The following ANK2 variants were observed in gnomAD, a reference collection of about 807,000 sequenced individuals.
ANK2 encodes ankyrin 2.
In ANK2, 83 loss-of-function variants were observed where a neutral mutation model predicts 360.5. The ratio of observed to expected loss-of-function variants is 0.23; its 90% confidence interval spans 0.19 to 0.28. The LOEUF (loss-of-function observed/expected upper bound fraction) is 0.28. Among genes scored for constraint, ANK2 ranks in the 10% least tolerant of loss-of-function variants. ANK2 has a pLI of 1.00. For missense variants in ANK2, 4,201 were observed against 4,795.7 expected, an observed-to-expected ratio of 0.88 and a Z score of 3.66; for synonymous variants, 1,740 against 1,759.5, an observed-to-expected ratio of 0.99 and a Z score of 0.28.
At chr4:113,269,174 C>G (rs1403042744) in intron 14 of ANK2, among the ~76,000 whole-genome samples, 1 of 152,158 alleles carries the variant, frequency 6.6e-6, no homozygotes. Flanking sequence ...GTGCTGGCAG[C>G]GAGAATTTCA....
At chr4:112,934,130 C>T (rs907657521) in intron 2 of ANK2, among the ~76,000 whole-genome samples, 14 of 151,784 alleles carry the variant, frequency 9.2e-5, no homozygotes, top group African/African-American at 2.9e-4. Flanking sequence ...TTTCGGGAGA[C>T]AGAATTGTGA....
chr4:113,271,462 G>A (rs550497403), intron 14 of ANK2, among the ~76,000 whole-genome samples: 90 of 126,372 alleles, frequency 7.1e-4, no homozygotes, highest in African/African-American at 2.7e-3. Flanking sequence ...GCACGCATGC[G>A]TGCACATGCA....
At chr4:113,048,456 G>A (rs1422403432), upstream of ANK2, among the ~76,000 whole-genome samples, 1 of 124,646 alleles carries the variant, frequency 8.0e-6, no homozygotes, top group Non-Finnish European at 1.7e-5. Flanking sequence ...TGTATTTTTA[G>A]TAGAGGCAGG....
At chr4:112,865,367 C>T (rs1388768260) in intron 1 of ANK2, among the ~76,000 whole-genome samples, 1 of 152,104 alleles carries the variant, frequency 6.6e-6, no homozygotes, top group Non-Finnish European at 1.5e-5. Flanking sequence ...ATAATACCAA[C>T]CTCACAAATG....
intron 1 of ANK2, among the ~76,000 whole-genome samples, chr4:113,103,612 A>G (rs919068076): frequency 9.2e-5 from 14 of 152,196 alleles, no homozygotes; most frequent in African/African-American, 3.4e-4. Context: ...ATCAAAATCC[A>G]GTTAAAAGAC....
At chr4:112,804,581 C>A in the ANK2 span, among the ~76,000 whole-genome samples, 2 of 152,044 alleles carry the variant, frequency 1.3e-5, no homozygotes, top group African/African-American at 4.8e-5. Context: ...CAGAAGATAT[C>A]GAGGACTTGG....
intron 2 of ANK2, among the ~76,000 whole-genome samples, chr4:113,190,063 A>G (rs2153351937): frequency 6.6e-6 from 1 of 152,278 alleles, no homozygotes; most frequent in South Asian, 2.1e-4. Flanking sequence ...TTAGAAACAC[A>G]GAATTTTGTT....
At chr4:112,846,254 C>T (rs1047555017) in intron 1 of ANK2, among the ~76,000 whole-genome samples, 3 of 151,972 alleles carry the variant, frequency 2.0e-5, no homozygotes, top group African/African-American at 7.2e-5. Flanking sequence ...GGACTACAAG[C>T]GTCCCACCAC....
chr4:113,336,585 T>A lies in ANK2; in HGVS notation c.3600T>A (p.Pro1200=), dbSNP rs2093574226. The change falls in exon 31 of 46, where the codon CCT becomes CCA. Residue 1200 remains proline (P), a synonymous_variant. Coordinates refer to ENST00000357077, the MANE Select transcript of ANK2 (RefSeq NM_001148.6). ...KRIRVGLQAQ[P]MHSELVKKIL... ...GTTTTTACTTTGAAAAGGCTCAACC[T>A]ATGCACAGTGAGCTGGTTAAGAAGA... 4 of 1,614,062 alleles carry A rather than the reference T, an allele frequency of 2.5e-6. No individual in the cohort carries two copies. Among genetic ancestry groups the A allele is most frequent in the African/African-American group, 1.3e-5 (1 of 75,054 alleles).
intron 24 of ANK2, among the ~76,000 whole-genome samples, chr4:113,314,865 T>C (rs149963908): frequency 6.6e-6 from 1 of 152,292 alleles, no homozygotes; most frequent in African/African-American, 2.4e-5. Flanking sequence ...CCAATTAGTA[T>C]TTCAGAAGGC....
chr4:112,936,576 C>T (rs554782454), intron 2 of ANK2, among the ~76,000 whole-genome samples: 1 of 152,150 alleles, frequency 6.6e-6, no homozygotes, highest in East Asian at 1.9e-4. Context: ...GAACTCCAGA[C>T]CTCGTAATCT....
At chr4:113,341,278 G>T (rs2094269038) in intron 32 of ANK2, among the ~76,000 whole-genome samples, 1 of 151,956 alleles carries the variant, frequency 6.6e-6, no homozygotes. Flanking sequence ...TAGGGAGGGG[G>T]GATCAAGGAA....
intron 2 of ANK2, among the ~76,000 whole-genome samples, chr4:112,906,487 G>A (rs1278096500): frequency 1.3e-5 from 2 of 152,124 alleles, no homozygotes; most frequent in East Asian, 3.9e-4. Flanking sequence ...ATTTTAATGG[G>A]AACAGTGCAG....
intron 20 of ANK2, among the ~76,000 whole-genome samples, chr4:113,288,846 G>A (rs558257627): frequency 2.2e-4 from 33 of 152,002 alleles, no homozygotes; most frequent in Middle Eastern, 3.4e-3. Context: ...CTCTCATGAA[G>A]AAATACAGAC....
In ANK2 at chr4:113,292,522, A is replaced by G; in HGVS notation, c.2376+8A>G. On this transcript the variant is annotated splice_region_variant and intron_variant, in intron 21 of 45. Transcript: ENST00000357077. ...CCCAACGCCACCACTGCGGTAAGGC[A>G]GACGCCACTGCCCCTCACCACGCTT... is the stretch of plus-strand genomic sequence containing the variant. The G allele has an allele frequency of 6.3e-7, 1 of 1,597,980 alleles. No individual in the cohort carries two copies. Among genetic ancestry groups the G allele is most frequent in the Non-Finnish European group, 8.5e-7 (1 of 1,170,426 alleles).
chr4:113,158,855 T>A (rs1358459881), intron 1 of ANK2, among the ~76,000 whole-genome samples: 1 of 152,038 alleles, frequency 6.6e-6, no homozygotes, highest in Non-Finnish European at 1.5e-5. Flanking sequence ...AGTTTACTGC[T>A]TTGCCAAAAA....
At chr4:113,228,740 T>TC (rs1432441339) in intron 4 of ANK2, among the ~76,000 whole-genome samples, 1 of 152,190 alleles carries the variant, frequency 6.6e-6, no homozygotes, top group African/African-American at 2.4e-5. Context: ...ACCTTGATAT[T>TC]CCCCTCTTTT....
chr4:112,776,187 G>A, the ANK2 span, among the ~76,000 whole-genome samples: 2 of 152,178 alleles, frequency 1.3e-5, no homozygotes, highest in East Asian at 1.9e-4. Context: ...ACCCTCCTAA[G>A]TTCCCAGCTG....
chr4:113,356,235 C>A lies in ANK2; in HGVS notation c.7617C>A (p.Asp2539Glu). The A allele has an allele frequency of 6.2e-7, 1 of 1,614,020 alleles. No individual in the cohort carries two copies. The highest frequency in any genetic ancestry group is 8.5e-7 in the Non-Finnish European group (1 of 1,179,986). The change falls in exon 38 of 46, where the codon GAC becomes GAA. Residue 2539 changes from aspartate (D) to glutamate (E), a missense_variant. Asp to Glu is a conservative substitution (Grantham distance 45). Coordinates refer to ENST00000357077, the MANE Select transcript of ANK2 (RefSeq NM_001148.6). ...CAGGGAAGAGCCCCCTTTCTCCTGA[C>A]ACCCCCAGCTCTGAAGAAGTCAGCT... The part of the protein sequence containing the change: ...ESSGKSPLSP[D>E]TPSSEEVSYE...
Sources: gnomAD v4.1 joint callset for allele counts (sites outside exome capture counted in the v4.1 genomes callset) on GRCh38, gnomAD v4.1.1 for gene constraint, MANE v1.5 for transcripts, NCBI Gene and HGNC (gene_info 2026-07-23, HGNC 2026-07-21) for gene names.